Variants in TBX15 observed in about 807,000 individuals in gnomAD.
TBX15 encodes T-box transcription factor 15.
Under a neutral mutation model 53.9 loss-of-function variants are expected in TBX15, and 18 were observed. That is an observed-to-expected ratio of 0.33 (90% CI 0.23 to 0.49). The LOEUF is 0.49. TBX15 is among the 20% of genes least tolerant of loss of function. The probability of loss-of-function intolerance (pLI) is 0.98; values close to 1 mark genes in which losing one functional copy is unlikely to be tolerated. For missense variants in TBX15, 692 were observed against 749.5 expected, an observed-to-expected ratio of 0.92 and a Z score of 0.90; for synonymous variants, 295 against 278.0, an observed-to-expected ratio of 1.06 and a Z score of -0.61.
intron 6 of TBX15, among the ~76,000 whole-genome samples, chr1:118,909,705 C>A (rs1204891072): frequency 6.6e-6 from 1 of 152,194 alleles, no homozygotes; most frequent in Non-Finnish European, 1.5e-5. Flanking sequence ...GCCTCAGCGC[C>A]CCCAGTAGCT....
At chr1:118,961,453 G>A (rs1656869749) in intron 1 of TBX15, among the ~76,000 whole-genome samples, 1 of 152,150 alleles carries the variant, frequency 6.6e-6, no homozygotes, top group Non-Finnish European at 1.5e-5. Context: ...TCCTTGGGGA[G>A]AAGGAGCATT....
intron 5 of TBX15, among the ~76,000 whole-genome samples, chr1:118,920,882 A>G (rs2101583201): frequency 6.6e-6 from 1 of 152,322 alleles, no homozygotes; most frequent in African/African-American, 2.4e-5. Context: ...ACAAAATGGA[A>G]GTTAGCAGAA....
intron 5 of TBX15, among the ~76,000 whole-genome samples, chr1:118,920,399 A>C (rs1655387886): frequency 6.6e-6 from 1 of 152,178 alleles, no homozygotes; most frequent in Non-Finnish European, 1.5e-5. Context: ...ACAAAAGGGA[A>C]GGGCATTCCT....
intron 5 of TBX15, among the ~76,000 whole-genome samples, chr1:118,918,171 G>T (rs755874042): frequency 1.3e-5 from 2 of 152,064 alleles, no homozygotes; most frequent in East Asian, 1.9e-4. Flanking sequence ...CTTCTTAACT[G>T]CATCCTTTTA....
rs1044995522 is a variant in TBX15 at position 118,922,507 on chromosome 1, G to C, written c.861+929C>G. On this transcript the variant is annotated intron_variant, in intron 5 of 7. Coordinates refer to ENST00000369429, the MANE Select transcript of TBX15 (RefSeq NM_001330677.2). ...TTAGTCCTCATAGCTCTACGAGGCA[G>C]GCGCATTTTCAAGACCGGAAACACA... is the stretch of plus-strand genomic sequence containing the variant. Among the ~76,000 whole-genome samples, 2 of 152,170 alleles carry C rather than the reference G, an allele frequency of 1.3e-5. 1 individual carries two copies. The highest frequency in any genetic ancestry group is 1.3e-4 in the Admixed American group (2 of 15,268).
chr1:118,917,213 A>G (rs1655266886), intron 5 of TBX15, among the ~76,000 whole-genome samples: 1 of 152,238 alleles, frequency 6.6e-6, no homozygotes, highest in African/African-American at 2.4e-5. Context: ...TGTGATACAT[A>G]TACATCATGG....
Position 118,885,488 on chromosome 1 carries a change from G to A in TBX15, c.1053C>T (p.Thr351=), listed in dbSNP as rs189457673. ...QGGSTGTSPT[T]SSTGTPSPSA... ...AAGGGGATGGTGTCCCAGTGCTGGA[G>A]GTGGTTGGGGAAGTGCCTGTGCTGC... Residue 351 remains threonine, a synonymous_variant, in exon 8 of 8, where the codon ACC becomes ACT. Coordinates refer to ENST00000369429, the MANE Select transcript of TBX15 (RefSeq NM_001330677.2). The A allele has an allele frequency of 3.7e-6, 6 of 1,600,370 alleles. No individual in the cohort carries two copies. Among genetic ancestry groups the A allele is most frequent in the East Asian group, 2.3e-5 (1 of 44,300 alleles).
In TBX15 at chr1:118,884,172, G is replaced by C. The variant is rs1653833621; in HGVS notation, c.*560C>G. 6.3e-6 allele frequency: 1 copy of C among 157,546 alleles called. No individual in the cohort carries two copies. The allele number at this position is 157,546 out of a possible 1,614,324, so 9.8% of individuals were successfully genotyped here. A position where few individuals can be genotyped will look rare whatever the true frequency, so the allele number is the denominator to read the frequency against. On this transcript the variant is annotated 3_prime_UTR_variant, in exon 8 of 8. Coordinates refer to ENST00000369429, the MANE Select transcript of TBX15 (RefSeq NM_001330677.2). Reference sequence around the variant, plus strand: ...TTCCAGAAGCAGAGGAAGCTGCAGGGGAGAAAGACTGGCAGCTACTGCTGG... The same window carrying C: ...TTCCAGAAGCAGAGGAAGCTGCAGGCGAGAAAGACTGGCAGCTACTGCTGG...
intron 1 of TBX15, among the ~76,000 whole-genome samples, chr1:118,935,486 T>C (rs1655940832): frequency 6.6e-6 from 1 of 152,166 alleles, no homozygotes; most frequent in African/African-American, 2.4e-5. Context: ...AGAATAGTAT[T>C]TCAACAGAAG....
chr1:118,915,071 A>G (rs1037678850), intron 5 of TBX15, among the ~76,000 whole-genome samples: 7 of 152,172 alleles, frequency 4.6e-5, no homozygotes, highest in Admixed American at 2.6e-4. Flanking sequence ...AAGCCTGAAC[A>G]ACATATGTCA....
At chr1:118,904,621 C>T (rs1487791093) in intron 6 of TBX15, among the ~76,000 whole-genome samples, 1 of 152,216 alleles carries the variant, frequency 6.6e-6, no homozygotes, top group Non-Finnish European at 1.5e-5. Flanking sequence ...TGATTCCCAA[C>T]TTAAGAACCC....
chr1:118,895,662 C>T (rs1459122377), intron 7 of TBX15, among the ~76,000 whole-genome samples: 2 of 152,126 alleles, frequency 1.3e-5, no homozygotes, highest in African/African-American at 2.4e-5. Context: ...GAATCTTCAT[C>T]TCCAGAACCT....
At chr1:118,910,483 TG>T (rs1654995061) in intron 6 of TBX15, among the ~76,000 whole-genome samples, 1 of 152,164 alleles carries the variant, frequency 6.6e-6, no homozygotes, top group Non-Finnish European at 1.5e-5. Flanking sequence ...GGTGGTGAAC[TG>T]GGTCCTGATT....
At position 118,987,973 on chromosome 1, in the gene TBX15, C is replaced by T; in HGVS notation, c.-178G>A. 1 of 765,994 alleles carries T rather than the reference C, an allele frequency of 1.3e-6. No individual in the cohort carries two copies. The highest frequency in any genetic ancestry group is 2.0e-6 in the Non-Finnish European group (1 of 488,360). 47.4% of individuals were successfully genotyped at this position (765,994 alleles called of 1,614,324 possible). ...CCCCTGCGTCCTCCTCCGCCCTCCT[C>T]TGCCGGATCCGACCTGCGCCCCTAC... On this transcript the variant is annotated 5_prime_UTR_variant, in exon 1 of 8. Coordinates refer to ENST00000369429, the MANE Select transcript of TBX15 (RefSeq NM_001330677.2).
At position 118,973,916 on chromosome 1, in the gene TBX15, ATC is replaced by A. The variant is rs1657333799; in HGVS notation, c.205+13673_205+13674del. On this transcript the variant is annotated intron_variant, in intron 1 of 7. Coordinates refer to ENST00000369429, the MANE Select transcript of TBX15 (RefSeq NM_001330677.2). ...TCAGAATATCACAGAGATGCCTTAA[ATC>A]TCTGTGTTGTCACAGTCTAATCTGG... Among the ~76,000 whole-genome samples, 6 of 152,262 alleles carry A rather than the reference ATC, an allele frequency of 3.9e-5. No individual in the cohort carries two copies. In the South Asian group the frequency reaches 1.2e-3, roughly 32 times the overall value.
rs145873734 is a variant in TBX15 at position 118,959,290 on chromosome 1, C to T, written c.206-27458G>A. On this transcript the variant is annotated intron_variant, in intron 1 of 7. Transcript: ENST00000369429. ...TGATCCATGCCAGAAAGCCTTCAGG[C>T]GAATAAGAATATGTATTTATAGACA... Among the ~76,000 whole-genome samples, 975 of 152,162 alleles carry T rather than the reference C, an allele frequency of 6.4e-3. 5 individuals carry two copies. The highest frequency in any genetic ancestry group is 0.017 in the Middle Eastern group (5 of 294).
intron 7 of TBX15, among the ~76,000 whole-genome samples, chr1:118,896,383 A>G (rs930506853): frequency 1.3e-5 from 2 of 152,222 alleles, no homozygotes; most frequent in African/African-American, 4.8e-5. Flanking sequence ...TCAAAGTTTT[A>G]TCAGCAGATG....
rs968292232 is a variant in TBX15, at chr1:118,883,344, A to G, written c.*1388T>C. ...ACCAAGCTTCACTTGCTTTCTTACC[A>G]TTAAAAGATTTGAAGGGAAAGGGAA... On this transcript the variant is annotated 3_prime_UTR_variant, in exon 8 of 8. Coordinates refer to ENST00000369429, the MANE Select transcript of TBX15 (RefSeq NM_001330677.2). 2.6e-5 allele frequency: 4 copies of G among 152,600 alleles called. No homozygotes were observed. In the South Asian group the frequency reaches 6.2e-4, roughly 24 times the overall value. 9.5% of individuals were successfully genotyped at this position (152,600 alleles called of 1,614,324 possible).
intron 5 of TBX15, among the ~76,000 whole-genome samples, chr1:118,914,849 T>C (rs1655146827): frequency 6.6e-6 from 1 of 152,120 alleles, no homozygotes; most frequent in South Asian, 2.1e-4. Flanking sequence ...TGTTATCCAG[T>C]CTCCAAGACT....
Sources: allele counts gnomAD v4.1 joint callset (sites outside exome capture counted in the v4.1 genomes callset), GRCh38; gene constraint gnomAD v4.1.1; transcripts MANE v1.5; gene names NCBI Gene and HGNC (gene_info 2026-07-23, HGNC 2026-07-21).